MSRA: variants seen among roughly 807,000 people sequenced by gnomAD.
MSRA encodes the protein mitochondrial peptide methionine sulfoxide reductase.
Under a neutral mutation model 31.3 loss-of-function variants are expected in MSRA, and 54 were observed. That is an observed-to-expected ratio of 1.73 (90% CI 1.39 to 2.17). The LOEUF is 2.17. MSRA is among the 30% of genes most tolerant of loss of function. The pLI, the probability that MSRA is intolerant of heterozygous loss-of-function variation, is 0.00. For synonymous variants in MSRA, 169 were observed against 116.5 expected (o/e 1.45, Z -2.90); for missense variants, 507 against 300.9 (o/e 1.69, Z -5.07).
At chr8:10,200,825 G>A (rs1351495763) in intron 1 of MSRA, among the ~76,000 whole-genome samples, 1 of 152,160 alleles carries the variant, frequency 6.6e-6, no homozygotes, top group Non-Finnish European at 1.5e-5. Flanking sequence ...GACTAGAGGC[G>A]TGACTCCATC....
At chr8:10,070,785 T>A (rs1797694899) in intron 1 of MSRA, among the ~76,000 whole-genome samples, 1 of 152,224 alleles carries the variant, frequency 6.6e-6, no homozygotes, top group Non-Finnish European at 1.5e-5. Context: ...CTTTTTTCAG[T>A]CAGCACAATT....
rs140423536 is a variant in MSRA, at chr8:10,071,950, G to A, written c.142+17292G>A. On this transcript the variant is annotated intron_variant, in intron 1 of 5. Coordinates refer to ENST00000317173, the MANE Select transcript of MSRA (RefSeq NM_012331.5). ...ACAGAGCAAGATCAGTTTCAGTAGT[G>A]CGTATGGGTCCCCTGTGTCCAGGGG... 5.3e-3 allele frequency among the ~76,000 whole-genome samples: 814 copies of A among 152,260 alleles called. 8 individuals carry two copies. Among genetic ancestry groups the A allele is most frequent in the African/African-American group, 0.018 (757 of 41,548 alleles).
At chr8:10,087,784 A>G (rs961449836) in intron 1 of MSRA, among the ~76,000 whole-genome samples, 5 of 152,330 alleles carry the variant, frequency 3.3e-5, no homozygotes, top group African/African-American at 9.6e-5. Flanking sequence ...AGATTGGCTT[A>G]AAGTAAAGGA....
intron 2 of MSRA, among the ~76,000 whole-genome samples, chr8:10,215,465 T>C (rs1367948018): frequency 1.3e-5 from 2 of 152,158 alleles, no homozygotes; most frequent in African/African-American, 4.8e-5. Context: ...GACCACCTGC[T>C]CTCCTCACTC....
At chr8:10,362,902 C>G (rs11249992) in intron 5 of MSRA, among the ~76,000 whole-genome samples, 3 of 151,864 alleles carry the variant, frequency 2.0e-5, no homozygotes, top group Admixed American at 2.0e-4. Context: ...CCCTGCCTCC[C>G]TCCCTAATAC....
chr8:10,274,042 T>C (rs1328445328), intron 3 of MSRA, among the ~76,000 whole-genome samples: 1 of 152,150 alleles, frequency 6.6e-6, no homozygotes, highest in African/African-American at 2.4e-5. Flanking sequence ...CCCTTCTTCC[T>C]CATGTGTCCC....
intron 1 of MSRA, among the ~76,000 whole-genome samples, chr8:10,183,064 C>T (rs878866213): frequency 2.6e-5 from 4 of 152,216 alleles, no homozygotes; most frequent in African/African-American, 7.2e-5. Flanking sequence ...CCTTTATCGT[C>T]TCCACTGATG....
intron 4 of MSRA, among the ~76,000 whole-genome samples, chr8:10,307,323 T>A (rs979151889): frequency 6.6e-6 from 1 of 152,076 alleles, no homozygotes; most frequent in African/African-American, 2.4e-5. Context: ...CACGCCACCA[T>A]GCCCAACTTA....
At chr8:10,351,539 A>G (rs1040580287) in intron 5 of MSRA, among the ~76,000 whole-genome samples, 9 of 152,318 alleles carry the variant, frequency 5.9e-5, no homozygotes, top group African/African-American at 2.2e-4. Flanking sequence ...GGCGTGAGCC[A>G]CTGTGCCCGG....
chr8:10,108,149 C>T (rs1242258636), intron 1 of MSRA, among the ~76,000 whole-genome samples: 1 of 152,142 alleles, frequency 6.6e-6, no homozygotes, highest in African/African-American at 2.4e-5. Context: ...TTCTCCTTTA[C>T]ACCCCCGTTC....
rs558987358 is a variant in MSRA, at chr8:10,151,167, G to A, written c.143-56666G>A. 9.3e-5 allele frequency among the ~76,000 whole-genome samples: 14 copies of A among 150,860 alleles called. No individual in the cohort carries two copies. The South Asian group carries it at 2.7e-3, about 29-fold the overall frequency. On this transcript the variant is annotated intron_variant, in intron 1 of 5. Coordinates refer to ENST00000317173, the MANE Select transcript of MSRA (RefSeq NM_012331.5). ...CTTCCTGGGGAGGTGGAGGTGAGCC[G>A]AGCTCACCAGGAGCTTCACCTTCCT...
At chr8:10,271,268 A>G (rs543027152) in intron 3 of MSRA, among the ~76,000 whole-genome samples, 1 of 152,152 alleles carries the variant, frequency 6.6e-6, no homozygotes, top group East Asian at 1.9e-4. Context: ...GCTTTCTGTG[A>G]TACCTACCAT....
At chr8:10,423,384 C>T (rs1002791140) in intron 5 of MSRA, among the ~76,000 whole-genome samples, 1 of 152,202 alleles carries the variant, frequency 6.6e-6, no homozygotes, top group Admixed American at 6.5e-5. Context: ...CCTGCCCCAT[C>T]ACTGACTGGG....
At position 10,054,388 on chromosome 8, in the gene MSRA, CGCG is replaced by C; in HGVS notation, c.-128_-126del. On this transcript the variant is annotated 5_prime_UTR_variant, in exon 1 of 6. Coordinates refer to ENST00000317173, the MANE Select transcript of MSRA (RefSeq NM_012331.5). ...GCCTCCAGCCCCGCCAGCAGCGCCC[CGCG>C]CCCGCCCGCCCGCGCCCCTGCCGCC... 11 of 773,586 alleles carry C rather than the reference CGCG, an allele frequency of 1.4e-5. No individual in the cohort carries two copies. Among genetic ancestry groups the C allele is most frequent in the Admixed American group, 4.6e-5 (1 of 21,894 alleles). The allele number at this position is 773,586 out of a possible 1,614,324, so 47.9% of individuals were successfully genotyped here.
intron 1 of MSRA, among the ~76,000 whole-genome samples, chr8:10,150,251 C>G (rs977254467): frequency 6.6e-6 from 1 of 152,028 alleles, no homozygotes; most frequent in Admixed American, 6.5e-5. Flanking sequence ...GAGAGAGATG[C>G]TGCTAATTAC....
At chr8:10,167,505 C>T (rs1337862937) in intron 1 of MSRA, among the ~76,000 whole-genome samples, 1 of 152,148 alleles carries the variant, frequency 6.6e-6, no homozygotes, top group African/African-American at 2.4e-5. Context: ...CTTATTTCTT[C>T]CCTTTAAATC....
At chr8:10,407,435 T>G (rs923864126) in intron 5 of MSRA, among the ~76,000 whole-genome samples, 2 of 152,148 alleles carry the variant, frequency 1.3e-5, no homozygotes, top group Non-Finnish European at 2.9e-5. Context: ...GAGGTGGATT[T>G]GTGAACCATT....
At chr8:10,100,152 G>A (rs868524159) in intron 1 of MSRA, among the ~76,000 whole-genome samples, 7 of 152,316 alleles carry the variant, frequency 4.6e-5, no homozygotes, top group Admixed American at 1.3e-4. Flanking sequence ...AACCGCAGGC[G>A]TTGAGAGGGC....
intron 1 of MSRA, among the ~76,000 whole-genome samples, chr8:10,101,559 T>C (rs1799531121): frequency 6.6e-6 from 1 of 152,162 alleles, no homozygotes; most frequent in South Asian, 2.1e-4. Context: ...CGCAACAGAA[T>C]CGTGGCAACC....
Sources: gnomAD v4.1 joint callset for allele counts (sites outside exome capture counted in the v4.1 genomes callset) on GRCh38, gnomAD v4.1.1 for gene constraint, MANE v1.5 for transcripts, NCBI Gene and HGNC (gene_info 2026-07-23, HGNC 2026-07-21) for gene names.